Variants in ASB4 observed in about 807,000 individuals in gnomAD.
ASB4 encodes the protein ankyrin repeat and SOCS box protein 4.
A neutral mutation model predicts 38.6 loss-of-function variants in ASB4; 35 were observed. That is an observed-to-expected ratio of 0.91 (90% CI 0.69 to 1.20). The LOEUF (loss-of-function observed/expected upper bound fraction) is 1.20, where lower values mean the gene tolerates loss of function less well. ASB4 is among the 50% of genes most tolerant of loss of function. The probability of loss-of-function intolerance (pLI) is 0.00; values close to 1 mark genes in which losing one functional copy is unlikely to be tolerated. For missense variants in ASB4, 557 were observed against 527.2 expected (o/e 1.06, Z -0.55); for synonymous variants, 195 against 201.3 (o/e 0.97, Z 0.26).
chr7:95,511,662 CAA>C (rs534302628), intron 2 of ASB4, among the ~76,000 whole-genome samples: 1 of 133,986 alleles, frequency 7.5e-6, no homozygotes, highest in Admixed American at 7.4e-5. Context: ...AACTCCGTCT[CAA>C]AAAAAAAAAA....
At chr7:95,547,441 A>C in the ASB4 span, among the ~76,000 whole-genome samples, 1 of 152,194 alleles carries the variant, frequency 6.6e-6, no homozygotes, top group Non-Finnish European at 1.5e-5. Flanking sequence ...AATATTTTGG[A>C]GATTCATCCA....
upstream of ASB4, chr7:95,485,833 A>T: frequency 3.1e-6 from 2 of 653,302 alleles, no homozygotes; most frequent in South Asian, 2.9e-5. Context: ...GTTTGAAATG[A>T]TCCCTATATA....
chr7:95,499,161 T>A (rs1463891068), intron 2 of ASB4, among the ~76,000 whole-genome samples: 1 of 152,196 alleles, frequency 6.6e-6, no homozygotes, highest in Non-Finnish European at 1.5e-5. Flanking sequence ...GGATGCACTT[T>A]ATATAAAAGT....
intron 2 of ASB4, among the ~76,000 whole-genome samples, chr7:95,501,073 T>C (rs1023377057): frequency 2.6e-5 from 4 of 152,180 alleles, no homozygotes; most frequent in African/African-American, 7.2e-5. Flanking sequence ...CTTTTTATTT[T>C]TAAGAGTTTA....
At chr7:95,475,026 G>A (rs1470188982), upstream of ASB4, among the ~76,000 whole-genome samples, 1 of 152,130 alleles carries the variant, frequency 6.6e-6, no homozygotes, top group African/African-American at 2.4e-5. Flanking sequence ...CCTGGCAAAT[G>A]TTCTGTAGAG....
At chr7:95,543,760 A>G (rs931658777), downstream of ASB4, 14 of 152,244 alleles carry the variant, frequency 9.2e-5, no homozygotes, top group African/African-American at 3.4e-4. Context: ...GGAGCAGAGG[A>G]TGAGGTTGGA....
intron 2 of ASB4, among the ~76,000 whole-genome samples, chr7:95,510,878 CTTTA>C (rs541314580): frequency 7.8e-4 from 119 of 152,268 alleles, no homozygotes; most frequent in Middle Eastern, 6.8e-3. Context: ...GCCTGTACTT[CTTTA>C]TTTATTTTCT....
At chr7:95,493,244 C>A (rs529800000) in intron 1 of ASB4, among the ~76,000 whole-genome samples, 1 of 151,986 alleles carries the variant, frequency 6.6e-6, no homozygotes. Context: ...GTCCATTAGA[C>A]CTTAATGTGA....
At chr7:95,543,250 A>C (rs1263648231), downstream of ASB4, 3 of 152,384 alleles carry the variant, frequency 2.0e-5, no homozygotes, top group East Asian at 5.8e-4. Context: ...TCTTGGCAGA[A>C]TGACTTTCAC....
chr7:95,539,278 T>G lies in ASB4; in HGVS notation c.*1519T>G, dbSNP rs1240746143. The stretch of plus-strand genomic sequence containing the variant: ...GATATTCCAATAGGCTATCATTTAA[T>G]GTTAACTGGCAATCACCTAACTGGT... On this transcript the variant is annotated 3_prime_UTR_variant, in exon 5 of 5. Coordinates refer to ENST00000325885, the MANE Select transcript of ASB4 (RefSeq NM_016116.3). The G allele has an allele frequency of 6.6e-5, 10 of 152,214 alleles. No individual in the cohort carries two copies. Among genetic ancestry groups the G allele is most frequent in the African/African-American group, 2.4e-4 (10 of 41,460 alleles). The allele number at this position is 152,214 out of a possible 1,614,324, so 9.4% of individuals were successfully genotyped here.
the ASB4 span, among the ~76,000 whole-genome samples, chr7:95,549,338 C>G: frequency 2.6e-5 from 3 of 116,694 alleles, no homozygotes; most frequent in Non-Finnish European, 5.1e-5. Flanking sequence ...GCCCTGTCGC[C>G]CAGGCTGCAG....
intron 2 of ASB4, among the ~76,000 whole-genome samples, chr7:95,525,984 G>A (rs1300310391): frequency 6.6e-6 from 1 of 152,182 alleles, no homozygotes; most frequent in African/African-American, 2.4e-5. Context: ...ATGATCAGGA[G>A]ATGCCATAAA....
intron 2 of ASB4, among the ~76,000 whole-genome samples, chr7:95,515,479 G>C (rs1790571827): frequency 1.4e-5 from 2 of 141,332 alleles, no homozygotes; most frequent in African/African-American, 5.4e-5. Context: ...GCAGTGATGT[G>C]ATCTCTGCTC....
At chr7:95,475,384 AT>A (rs1254961683), upstream of ASB4, among the ~76,000 whole-genome samples, 1 of 152,038 alleles carries the variant, frequency 6.6e-6, no homozygotes, top group Non-Finnish European at 1.5e-5. Context: ...GTTGAATTTA[AT>A]TAATTAATTA....
At chr7:95,547,046 C>T in the ASB4 span, among the ~76,000 whole-genome samples, 2 of 152,174 alleles carry the variant, frequency 1.3e-5, no homozygotes, top group African/African-American at 2.4e-5. Flanking sequence ...CTCACTTATA[C>T]TATGTTGTAA....
At chr7:95,549,293 G>A in the ASB4 span, among the ~76,000 whole-genome samples, 3 of 111,452 alleles carry the variant, frequency 2.7e-5, no homozygotes, top group African/African-American at 1.2e-4. Flanking sequence ...AGTTCCATAG[G>A]AGACTCCATT....
upstream of ASB4, among the ~76,000 whole-genome samples, chr7:95,482,863 T>C (rs1482710080): frequency 1.3e-5 from 2 of 151,988 alleles, no homozygotes; most frequent in Non-Finnish European, 2.9e-5. Flanking sequence ...TGAACTTTGA[T>C]GGGATGGGGG....
downstream of ASB4, chr7:95,543,870 C>A (rs1791000461): frequency 6.6e-6 from 1 of 152,044 alleles, no homozygotes; most frequent in Non-Finnish European, 1.5e-5. Flanking sequence ...CTTTTTCCAA[C>A]CTTATAATTT....
downstream of ASB4, chr7:95,542,214 T>G (rs1421874684): frequency 6.6e-6 from 1 of 152,220 alleles, no homozygotes; most frequent in African/African-American, 2.4e-5. Flanking sequence ...AGGTTTTGGT[T>G]TATTTGTTTT....
Sources: allele counts gnomAD v4.1 joint callset (sites outside exome capture counted in the v4.1 genomes callset), GRCh38; gene constraint gnomAD v4.1.1; transcripts MANE v1.5; gene names NCBI Gene and HGNC (gene_info 2026-07-23, HGNC 2026-07-21).